Variants in PLCB1 observed in about 807,000 individuals in gnomAD.
PLCB1 encodes the protein phospholipase C beta 1, also known as 1-phosphatidylinositol 4,5-bisphosphate phosphodiesterase beta-1.
A neutral mutation model predicts 161.8 loss-of-function variants in PLCB1; 46 were observed. That is an observed-to-expected ratio of 0.28 (90% CI 0.22 to 0.36). PLCB1 has a LOEUF of 0.36. PLCB1 is among the 10% of genes least tolerant of loss of function. The pLI, the probability that PLCB1 is intolerant of heterozygous loss-of-function variation, is 1.00. For missense variants in PLCB1, 1,016 were observed against 1,472.5 expected, an observed-to-expected ratio of 0.69 and a Z score of 5.07; for synonymous variants, 517 against 503.7, an observed-to-expected ratio of 1.03 and a Z score of -0.35.
At chr20:8,769,144 A>G (rs1462974908) in intron 26 of PLCB1, among the ~76,000 whole-genome samples, 1 of 152,188 alleles carries the variant, frequency 6.6e-6, no homozygotes, top group Non-Finnish European at 1.5e-5. Flanking sequence ...TGTCTTCCTC[A>G]GGGCTTATTT....
At chr20:8,139,583 A>G (rs1313476929) in intron 1 of PLCB1, among the ~76,000 whole-genome samples, 1 of 152,228 alleles carries the variant, frequency 6.6e-6, no homozygotes, top group Non-Finnish European at 1.5e-5. Flanking sequence ...TGCCATTAAA[A>G]AAAACATTTT....
chr20:8,215,788 G>A (rs534747193), intron 2 of PLCB1, among the ~76,000 whole-genome samples: 4 of 152,078 alleles, frequency 2.6e-5, no homozygotes, highest in African/African-American at 7.2e-5. Flanking sequence ...AGAGATCTTT[G>A]AAAAGTGCTG....
chr20:8,660,845 A>G lies in PLCB1; in HGVS notation c.862+2141A>G, dbSNP rs111261704. Among the ~76,000 whole-genome samples the G allele has an allele frequency of 2.6e-3, 402 of 152,258 alleles. 4 individuals carry two copies. Among genetic ancestry groups the G allele is most frequent in the Non-Finnish European group, 2.5e-3 (173 of 68,016 alleles). Reference sequence around the variant, plus strand: ...ACAAAACCTCTGTGTCAACCTTAATAGCAGTATAAAGAAGCAACATAGAAT... The same window carrying G: ...ACAAAACCTCTGTGTCAACCTTAATGGCAGTATAAAGAAGCAACATAGAAT... On this transcript the variant is annotated intron_variant, in intron 9 of 31. Transcript: ENST00000338037.
intron 13 of PLCB1, 41 bp from the exon 14 acceptor site, chr20:8,717,630 G>A: frequency 1.3e-6 from 2 of 1,500,916 alleles, no homozygotes; most frequent in Admixed American, 3.8e-5. Flanking sequence ...TCTGAAAGAG[G>A]GAGCAGTATT....
chr20:8,704,353 CAA>C (rs754528316), intron 11 of PLCB1, among the ~76,000 whole-genome samples: 6 of 111,892 alleles, frequency 5.4e-5, no homozygotes, highest in South Asian at 2.8e-4. Context: ...GACTTCGTTT[CAA>C]AAAAAAAAAA....
Position 8,832,062 on chromosome 20 carries a change from G to T in PLCB1, c.3423+41801G>T, listed in dbSNP as rs6108198. Reference sequence around the variant, plus strand: ...GCTATCCCATAGGCAGGGTGCCCAGGGTAGTGAAAGTTTAATTTTCAGAGT... The same window carrying T: ...GCTATCCCATAGGCAGGGTGCCCAGTGTAGTGAAAGTTTAATTTTCAGAGT... On this transcript the variant is annotated intron_variant, in intron 31 of 31. Transcript: ENST00000338037. 3.7e-3 allele frequency among the ~76,000 whole-genome samples: 282 copies of T among 77,212 alleles called. 6 individuals carry two copies. Among genetic ancestry groups the T allele is most frequent in the South Asian group, 4.8e-3 (12 of 2,514 alleles). The allele number at this position is 77,212 out of a possible 152,430, so 50.7% of individuals were successfully genotyped here. A position where few individuals can be genotyped will look rare whatever the true frequency, so the allele number is the denominator to read the frequency against.
chr20:8,288,505 A>G (rs552408823), intron 2 of PLCB1, among the ~76,000 whole-genome samples: 335 of 152,322 alleles, frequency 2.2e-3, no homozygotes, highest in Middle Eastern at 6.8e-3. Flanking sequence ...TCTAGCCTCA[A>G]CCTGGTCCCA....
intron 15 of PLCB1, 38 bp from the exon 16 acceptor site, chr20:8,724,618 G>T: frequency 1.8e-6 from 2 of 1,131,028 alleles, no homozygotes; most frequent in Non-Finnish European, 2.7e-6. Flanking sequence ...ATATAATGCT[G>T]ACTCTGGAAA....
intron 2 of PLCB1, among the ~76,000 whole-genome samples, chr20:8,211,461 T>C (rs1335950789): frequency 6.6e-6 from 1 of 152,150 alleles, no homozygotes; most frequent in Non-Finnish European, 1.5e-5. Context: ...GAAGTGTTTG[T>C]TGGCTACTAT....
intron 31 of PLCB1, among the ~76,000 whole-genome samples, chr20:8,821,556 T>A (rs1352285326): frequency 9.2e-6 from 1 of 108,798 alleles, no homozygotes; most frequent in Admixed American, 1.1e-4. Context: ...TATATATATA[T>A]ATTTAAATGA....
At chr20:8,340,779 C>T (rs958155187) in intron 2 of PLCB1, among the ~76,000 whole-genome samples, 10 of 152,188 alleles carry the variant, frequency 6.6e-5, no homozygotes, top group African/African-American at 2.2e-4. Flanking sequence ...TTGTTACCAC[C>T]GGCCGAATAC....
intron 3 of PLCB1, among the ~76,000 whole-genome samples, chr20:8,384,627 T>A (rs937851223): frequency 6.6e-6 from 1 of 152,098 alleles, no homozygotes; most frequent in Non-Finnish European, 1.5e-5. Flanking sequence ...TTTTCAGTGT[T>A]TTTTTGTTGA....
intron 3 of PLCB1, among the ~76,000 whole-genome samples, chr20:8,579,045 T>G (rs1197010806): frequency 3.9e-5 from 6 of 152,232 alleles, no homozygotes; most frequent in Admixed American, 1.3e-4. Context: ...TAAGTTATAC[T>G]TGCTGCTATT....
Position 8,753,677 on chromosome 20 carries a change from AG to A in PLCB1, c.2524-3368del, listed in dbSNP as rs578149231. Among the ~76,000 whole-genome samples, 366 of 152,296 alleles carry A rather than the reference AG, an allele frequency of 2.4e-3. 1 individual carries two copies. The highest frequency in any genetic ancestry group is 8.5e-3 in the African/African-American group (352 of 41,556). On this transcript the variant is annotated intron_variant, in intron 23 of 31. Transcript: ENST00000338037. The stretch of plus-strand genomic sequence containing the variant: ...CTCTGCTCCTCCTGGCAGAGGGTAC[AG>A]ATTGGCAACTTCTGGGCCAAATGCA...
intron 2 of PLCB1, among the ~76,000 whole-genome samples, chr20:8,348,873 A>G (rs894528966): frequency 3.3e-5 from 5 of 152,204 alleles, no homozygotes; most frequent in African/African-American, 9.6e-5. Context: ...AATCAAAATC[A>G]ATCAAACATA....
chr20:8,760,596 C>CAT, intron 25 of PLCB1, 136 bp downstream of exon 25: 1 of 590,732 alleles, frequency 1.7e-6, no homozygotes, highest in East Asian at 2.9e-5. Context: ...AATCTAGAGA[C>CAT]ATACACTTTT....
At position 8,231,407 on chromosome 20, in the gene PLCB1, C is replaced by T. The variant is rs534301203; in HGVS notation, c.177+81036C>T. Among the ~76,000 whole-genome samples, 13 of 152,236 alleles carry T rather than the reference C, an allele frequency of 8.5e-5. No individual in the cohort carries two copies. In the South Asian group the frequency reaches 2.7e-3, roughly 32 times the overall value. On this transcript the variant is annotated intron_variant, in intron 2 of 31. Transcript: ENST00000338037. ...ATATATCTGCACATTGTCAAATGTT[C>T]CCTGGGGAGCAAAATCACCAATGCA... is the stretch of plus-strand genomic sequence containing the variant.
chr20:8,834,866 C>CCAAT (rs1221204044), intron 31 of PLCB1, among the ~76,000 whole-genome samples: 1 of 135,466 alleles, frequency 7.4e-6, no homozygotes, highest in East Asian at 2.2e-4. Context: ...TAAAAAAGAA[C>CCAAT]CAATGTCTTA....
At chr20:8,821,969 C>A (rs1016775824) in intron 31 of PLCB1, among the ~76,000 whole-genome samples, 2 of 152,020 alleles carry the variant, frequency 1.3e-5, no homozygotes, top group Non-Finnish European at 2.9e-5. Flanking sequence ...TTCTGCAGTT[C>A]TTGGTTCAAA....
Sources: gnomAD v4.1 joint callset for allele counts (sites outside exome capture counted in the v4.1 genomes callset) on GRCh38, gnomAD v4.1.1 for gene constraint, MANE v1.5 for transcripts, NCBI Gene and HGNC (gene_info 2026-07-23, HGNC 2026-07-21) for gene names.